PTPRG: variants seen among roughly 807,000 people sequenced by gnomAD.
PTPRG encodes protein tyrosine phosphatase receptor type G.
PTPRG carries 102 observed loss-of-function variants against 165.3 expected under a neutral mutation model. That is an observed-to-expected ratio of 0.62 (90% CI 0.53 to 0.73). PTPRG has a LOEUF of 0.73. Ranked by LOEUF, PTPRG falls within the 30% of genes least tolerant of loss-of-function variation. The pLI is 0.00. For synonymous variants in PTPRG, 675 were observed against 669.5 expected, an observed-to-expected ratio of 1.01 and a Z score of -0.13; for missense variants, 1,866 against 1,861.4, an observed-to-expected ratio of 1.00 and a Z score of -0.05.
At chr3:61,841,957 C>T (rs2036648620) in intron 2 of PTPRG, among the ~76,000 whole-genome samples, 1 of 152,220 alleles carries the variant, frequency 6.6e-6, no homozygotes, top group Non-Finnish European at 1.5e-5. Flanking sequence ...CCACACAACT[C>T]TATGACAGTC....
intron 2 of PTPRG, among the ~76,000 whole-genome samples, chr3:61,820,958 G>A (rs1231823384): frequency 6.6e-6 from 1 of 151,864 alleles, no homozygotes; most frequent in Non-Finnish European, 1.5e-5. Context: ...ATTACGCCAA[G>A]CATTTCAAAT....
chr3:62,062,390 G>A (rs1212287696), intron 4 of PTPRG, among the ~76,000 whole-genome samples: 1 of 152,188 alleles, frequency 6.6e-6, no homozygotes, highest in Admixed American at 6.5e-5. Context: ...GAGGTATCTA[G>A]GTGGGTTGTA....
intron 2 of PTPRG, among the ~76,000 whole-genome samples, chr3:61,951,446 G>T (rs1453744639): frequency 6.6e-6 from 1 of 152,140 alleles, no homozygotes; most frequent in Admixed American, 6.6e-5. Context: ...GATTTTCTTT[G>T]ACTCAATATT....
intron 2 of PTPRG, among the ~76,000 whole-genome samples, chr3:61,886,157 C>T (rs2038030805): frequency 6.6e-6 from 1 of 152,072 alleles, no homozygotes; most frequent in Non-Finnish European, 1.5e-5. Context: ...CTTCGCTATT[C>T]CTGCTCGATC....
Position 62,191,544 on chromosome 3 carries a change from C to T in PTPRG, c.1109C>T (p.Pro370Leu), listed in dbSNP as rs746143640. The change falls in exon 9 of 30, where the codon CCG (proline) becomes CTG (leucine). Residue 370 changes from proline to leucine, a missense_variant. Around this residue, in one of 3 missense-constraint regions of PTPRG, gnomAD observed 1,452 missense variants for 1,463.0 expected, o/e 0.99. Transcript: ENST00000474889. Reference protein sequence around the residue: ...QTALQVSWSQPETIYHPPIMN... With the variant: ...QTALQVSWSQLETIYHPPIMN... ...GCACTGCAGGTGTCCTGGAGCCAGC[C>T]GGAGACTATCTACCACCCACCCATC... 5.6e-6 allele frequency: 9 copies of T among 1,614,096 alleles called. No homozygotes were observed. Among genetic ancestry groups the T allele is most frequent in the South Asian group, 2.2e-5 (2 of 91,076 alleles).
At chr3:61,999,581 G>A (rs2041122874) in intron 3 of PTPRG, among the ~76,000 whole-genome samples, 1 of 152,108 alleles carries the variant, frequency 6.6e-6, no homozygotes, top group Admixed American at 6.5e-5. Context: ...AACTTTTCCT[G>A]CTGTTGTTTT....
In PTPRG at chr3:61,575,361, A is replaced by C. The variant is rs1411122402; in HGVS notation, c.85+12989A>C. On this transcript the variant is annotated intron_variant, in intron 1 of 29. Transcript: ENST00000474889. ...GTTGAGGGAATGAGACTTGAAGACA[A>C]GTGGATTCTGATGAAAGAGGCCAGT... 1.3e-5 allele frequency among the ~76,000 whole-genome samples: 2 copies of C among 152,152 alleles called. 1 individual carries two copies. The highest frequency in any genetic ancestry group is 1.3e-4 in the Admixed American group (2 of 15,262).
At chr3:62,279,725 G>C (rs1702361848) in intron 26 of PTPRG, among the ~76,000 whole-genome samples, 1 of 151,994 alleles carries the variant, frequency 6.6e-6, no homozygotes, top group Non-Finnish European at 1.5e-5. Flanking sequence ...AAATGTACTT[G>C]GCAATAAGCT....
chr3:61,773,811 G>A (rs539332854), intron 2 of PTPRG, among the ~76,000 whole-genome samples: 22 of 150,008 alleles, frequency 1.5e-4, no homozygotes, highest in Non-Finnish European at 3.0e-4. Context: ...GTCTTACTCT[G>A]TCACCCAGGC....
chr3:62,189,345 T>G (rs1204391283), intron 8 of PTPRG, among the ~76,000 whole-genome samples: 4 of 152,200 alleles, frequency 2.6e-5, no homozygotes, highest in Admixed American at 2.0e-4. Context: ...CATGCGTCTC[T>G]GGCAGGAAAG....
chr3:62,091,525 T>C (rs349159), intron 5 of PTPRG, among the ~76,000 whole-genome samples: 49,847 of 151,974 alleles, frequency 0.33, 10,276 homozygotes, highest in African/African-American at 0.59. Context: ...AAAAGGGCCC[T>C]ATAAGATTTT....
At chr3:61,837,808 T>A (rs2036514373) in intron 2 of PTPRG, among the ~76,000 whole-genome samples, 1 of 152,238 alleles carries the variant, frequency 6.6e-6, no homozygotes, top group African/African-American at 2.4e-5. Flanking sequence ...ATTTGCTTTC[T>A]TACAGTGCAG....
chr3:61,820,471 C>T (rs1172841777), intron 2 of PTPRG, among the ~76,000 whole-genome samples: 1 of 152,074 alleles, frequency 6.6e-6, no homozygotes, highest in African/African-American at 2.4e-5. Context: ...TCCTAAACAC[C>T]CTCGCAGACC....
At chr3:61,845,962 G>T (rs185069979) in intron 2 of PTPRG, among the ~76,000 whole-genome samples, 64 of 152,302 alleles carry the variant, frequency 4.2e-4, no homozygotes, top group Non-Finnish European at 6.8e-4. Flanking sequence ...GGGTGCAGAA[G>T]ACTGAGGGAG....
chr3:61,816,044 T>A (rs2035753076), intron 2 of PTPRG, among the ~76,000 whole-genome samples: 1 of 152,218 alleles, frequency 6.6e-6, no homozygotes, highest in Admixed American at 6.5e-5. Context: ...TGCCTGCTGT[T>A]GAATAACTCT....
chr3:61,966,751 A>G lies in PTPRG; in HGVS notation c.191-22874A>G, dbSNP rs541819649. ...ATAGACAGGTGGCTCTAGAATTTCTATATAAGATTCTGCCACTGCAGAGTG... is the reference window on the plus strand; with the variant it reads ...ATAGACAGGTGGCTCTAGAATTTCTGTATAAGATTCTGCCACTGCAGAGTG... On this transcript the variant is annotated intron_variant, in intron 2 of 29. Transcript: ENST00000474889. 7.9e-5 allele frequency among the ~76,000 whole-genome samples: 12 copies of G among 152,270 alleles called. 1 individual carries two copies. Among genetic ancestry groups the G allele is most frequent in the Non-Finnish European group, 1.2e-4 (8 of 68,018 alleles).
At position 62,293,669 on chromosome 3, in the gene PTPRG, T is replaced by TATTA. The variant is rs1289020882; in HGVS notation, c.*363_*366dup. 1 of 162,130 alleles carries TATTA rather than the reference T, an allele frequency of 6.2e-6. No individual in the cohort carries two copies. The highest frequency in any genetic ancestry group is 2.4e-5 in the African/African-American group (1 of 41,806). 10.0% of individuals were successfully genotyped at this position (162,130 alleles called of 1,614,324 possible). ...TTATGACAGTGAATATTGCTTTTAT[T>TATTA]ATTATTATTGCTGAAGTGGTTGCAT... On this transcript the variant is annotated 3_prime_UTR_variant, in exon 30 of 30. Transcript: ENST00000474889.
intron 3 of PTPRG, among the ~76,000 whole-genome samples, chr3:61,990,016 A>G (rs1382397601): frequency 6.6e-6 from 1 of 152,054 alleles, no homozygotes; most frequent in African/African-American, 2.4e-5. Flanking sequence ...AATATAAACT[A>G]TAGATAATAA....
chr3:62,292,257 G>C (rs1044965134), intron 28 of PTPRG, among the ~76,000 whole-genome samples, 164 bp from the exon 29 acceptor site: 3 of 152,078 alleles, frequency 2.0e-5, no homozygotes, highest in Non-Finnish European at 4.4e-5. Flanking sequence ...CTTTATGCTA[G>C]CTTCCAAATC....
Sources: gnomAD v4.1 joint callset for allele counts (sites outside exome capture counted in the v4.1 genomes callset) on GRCh38, gnomAD v4.1.1 for gene constraint, gnomAD v4.1.1 regional missense constraint, MANE v1.5 for transcripts, NCBI Gene and HGNC (gene_info 2026-07-23, HGNC 2026-07-21) for gene names.